The following ZHX1 variants were observed in gnomAD, a reference collection of about 807,000 sequenced individuals.
ZHX1 encodes the protein zinc fingers and homeoboxes 1.
A neutral mutation model predicts 61.8 loss-of-function variants in ZHX1; 20 were observed. The ratio of observed to expected loss-of-function variants is 0.32; its 90% CI spans 0.23 to 0.47. The LOEUF (loss-of-function observed/expected upper bound fraction) is 0.47. ZHX1 is among the 20% of genes least tolerant of loss of function. ZHX1 has a pLI of 1.00. For missense variants in ZHX1, 800 were observed against 1,034.8 expected (o/e 0.77, Z 3.11); for synonymous variants, 318 against 352.6 (o/e 0.90, Z 1.10).
rs567568377 is a variant in ZHX1 at position 123,254,041 on chromosome 8, T to A, written c.1906A>T (p.Asn636Tyr). 35 of 1,613,994 alleles carry A rather than the reference T, an allele frequency of 2.2e-5. 1 individual carries two copies. The East Asian group carries it at 6.7e-4, about 31-fold the overall frequency. Reference sequence around the variant, plus strand: ...GCTTCTTCTTTGGAACTACCTGCATTACTTTCATCTATTTCCATTTTCTCT... The same window carrying A: ...GCTTCTTCTTTGGAACTACCTGCATAACTTTCATCTATTTCCATTTTCTCT... ...KEEKMEIDES[N>Y]AGSSKEEAGE... The change falls in exon 3 of 4, where the codon AAT becomes TAT. Residue 636 changes from asparagine (N) to tyrosine (Y), a missense_variant. Transcript: ENST00000395571. This position sits in a 1 kb window ranked among gnomAD's most constrained non-coding sequence, Gnocchi z 4.1.
intron 1 of ZHX1, among the ~76,000 whole-genome samples, chr8:123,269,262 T>C (rs1003318559): frequency 6.6e-6 from 1 of 152,178 alleles, no homozygotes; most frequent in Non-Finnish European, 1.5e-5. Context: ...CACACAGTAA[T>C]TGCAAGATAT....
chr8:123,269,738 G>A lies in ZHX1; in HGVS notation c.-339-2352C>T, dbSNP rs1017548655. ...TAGGGTTGTTGTGAGGATTGGAATA[G>A]GTAACACGTGTAAAGTTTCTGGAAT... On this transcript the variant is annotated intron_variant, in intron 1 of 3. Coordinates refer to ENST00000395571, the MANE Select transcript of ZHX1 (RefSeq NM_007222.5). 2.6e-5 allele frequency among the ~76,000 whole-genome samples: 4 copies of A among 152,296 alleles called. No individual in the cohort carries two copies. In the South Asian group the frequency reaches 6.2e-4, roughly 24 times the overall value.
In ZHX1 at chr8:123,255,454, G is replaced by C. The variant is rs1231462752; in HGVS notation, c.493C>G (p.Gln165Glu). 1 of 1,613,284 alleles carries C rather than the reference G, an allele frequency of 6.2e-7. No homozygotes were observed. The highest frequency in any genetic ancestry group is 1.7e-5 in the Admixed American group (1 of 60,016). The change falls in exon 3 of 4, where the codon CAA becomes GAA. Residue 165 changes from glutamine to glutamate, a missense_variant. Coordinates refer to ENST00000395571, the MANE Select transcript of ZHX1 (RefSeq NM_007222.5). ...GSFVKEENAE[Q>E]AESTEVSSSG... ...GAAGAAACTTCTGTAGATTCTGCTTGCTCTGCATTCTCCTCTTTAACAAAA... is the reference window on the plus strand; with the variant it reads ...GAAGAAACTTCTGTAGATTCTGCTTCCTCTGCATTCTCCTCTTTAACAAAA...
chr8:123,257,085 A>G (rs926667297), intron 2 of ZHX1: 1 of 151,930 alleles, frequency 6.6e-6, no homozygotes, highest in Admixed American at 6.6e-5. Flanking sequence ...CGCCTGGCTA[A>G]TTTTTGTAGT....
At position 123,271,784 on chromosome 8, in the gene ZHX1, G is replaced by GA. The variant is rs1245860899; in HGVS notation, c.-340+2432dup. On this transcript the variant is annotated intron_variant, in intron 1 of 3. Coordinates refer to ENST00000395571, the MANE Select transcript of ZHX1 (RefSeq NM_007222.5). The stretch of plus-strand genomic sequence containing the variant: ...CTGTAAAACTTTGTCCCCAATTATT[G>GA]AAAAAAAAAGAACTTACAATTATCA... Among the ~76,000 whole-genome samples, 8 of 149,182 alleles carry GA rather than the reference G, an allele frequency of 5.4e-5. No homozygotes were observed. The South Asian group carries it at 6.3e-4, about 12-fold the overall frequency.
At chr8:123,264,385 C>G (rs980028125) in intron 2 of ZHX1, among the ~76,000 whole-genome samples, 2 of 151,982 alleles carry the variant, frequency 1.3e-5, no homozygotes, top group Non-Finnish European at 2.9e-5. Context: ...TTACCCACTA[C>G]TAAAAAAAAG....
intron 1 of ZHX1, among the ~76,000 whole-genome samples, chr8:123,270,089 A>G (rs1372215636): frequency 6.6e-6 from 1 of 152,200 alleles, no homozygotes; most frequent in African/African-American, 2.4e-5. Flanking sequence ...TATCATAGTA[A>G]CGAGGAGAAA....
At position 123,254,320 on chromosome 8, in the gene ZHX1, T is replaced by C. The variant is rs370469256; in HGVS notation, c.1627A>G (p.Ser543Gly). The C allele has an allele frequency of 3.1e-6, 5 of 1,614,068 alleles. No individual in the cohort carries two copies. Among genetic ancestry groups the C allele is most frequent in the Non-Finnish European group, 4.2e-6 (5 of 1,180,024 alleles). Reference sequence around the variant, plus strand: ...GTTGGGGATTCCGTGGTTTCATCACTGGAGTCTATAATAATGGTGGTAGAG... The same window carrying C: ...GTTGGGGATTCCGTGGTTTCATCACCGGAGTCTATAATAATGGTGGTAGAG... Reference protein sequence around the residue: ...DSSTTIIIDSSDETTESPTVG... With the variant: ...DSSTTIIIDSGDETTESPTVG... The change falls in exon 3 of 4, where the codon AGT becomes GGT. Residue 543 changes from serine to glycine, a missense_variant. By Grantham distance (56) the Ser-to-Gly change is moderately conservative. Coordinates refer to ENST00000395571, the MANE Select transcript of ZHX1 (RefSeq NM_007222.5). This position sits in a 1 kb window ranked among gnomAD's most constrained non-coding sequence, Gnocchi z 4.1.
intron 1 of ZHX1, among the ~76,000 whole-genome samples, chr8:123,268,223 G>T (rs890037426): frequency 3.3e-5 from 5 of 152,104 alleles, no homozygotes; most frequent in Non-Finnish European, 7.4e-5. Flanking sequence ...CAAACATGGG[G>T]TTATCTAACA....
intron 1 of ZHX1, among the ~76,000 whole-genome samples, chr8:123,271,656 T>C (rs1277807151): frequency 6.6e-6 from 1 of 152,094 alleles, no homozygotes; most frequent in Non-Finnish European, 1.5e-5. Flanking sequence ...ATATAATACA[T>C]CATAATATAA....
chr8:123,252,977 T>C (rs1825959071), intron 3 of ZHX1: 2 of 178,164 alleles, frequency 1.1e-5, no homozygotes, highest in South Asian at 3.8e-4. Context: ...GGCATTGCAA[T>C]AAAATACATT....
At chr8:123,272,217 T>C (rs1490925107) in intron 1 of ZHX1, among the ~76,000 whole-genome samples, 1 of 152,254 alleles carries the variant, frequency 6.6e-6, no homozygotes, top group Non-Finnish European at 1.5e-5. Flanking sequence ...ACCCAAGTAT[T>C]ACCCTTTCTC....
intron 3 of ZHX1, chr8:123,252,622 T>C (rs1825949869): frequency 6.6e-6 from 1 of 152,200 alleles, no homozygotes; most frequent in African/African-American, 2.4e-5. Context: ...ATCACAGTTT[T>C]CAAAGACAGA....
At chr8:123,274,716 C>A (rs561062502), upstream of ZHX1, among the ~76,000 whole-genome samples, 145 of 152,178 alleles carry the variant, frequency 9.5e-4, no homozygotes, top group African/African-American at 3.3e-3. Flanking sequence ...CCTTTGCCTG[C>A]GACCGCTCCG....
rs1256640042 is a variant in ZHX1 at position 123,249,843 on chromosome 8, T to TG, written c.*480_*481insC. 10 of 150,580 alleles carry TG rather than the reference T, an allele frequency of 6.6e-5. No individual in the cohort carries two copies. Among genetic ancestry groups the TG allele is most frequent in the Admixed American group, 2.0e-4 (3 of 15,148 alleles). The allele number at this position is 150,580 out of a possible 1,614,324, so 9.3% of individuals were successfully genotyped here. ...GACATAGTAATAAATCAGGGTTTTT[T>TG]TTTTTTTTTTTTTTTTACCCATTTC... On this transcript the variant is annotated 3_prime_UTR_variant, in exon 4 of 4. Coordinates refer to ENST00000395571, the MANE Select transcript of ZHX1 (RefSeq NM_007222.5).
chr8:123,261,067 T>C lies in ZHX1; in HGVS notation c.-225-4896A>G, dbSNP rs972355471. ...GCTATAATCCACTGTCAGGTCCCCA[T>C]GATTTTGCTAACAAAAGTAAGGTCA... On this transcript the variant is annotated intron_variant, in intron 2 of 3. Coordinates refer to ENST00000395571, the MANE Select transcript of ZHX1 (RefSeq NM_007222.5). Among the ~76,000 whole-genome samples the C allele has an allele frequency of 3.4e-4, 52 of 152,168 alleles. 1 individual carries two copies. Among genetic ancestry groups the C allele is most frequent in the Non-Finnish European group, 2.4e-4 (16 of 68,012 alleles).
In ZHX1 at chr8:123,253,362, C is replaced by G. The variant is rs144367640; in HGVS notation, c.2585G>C (p.Arg862Pro). ...TDDSDTWEPPRHVKRKLSKSD... is the reference protein window; with the variant it reads ...TDDSDTWEPPPHVKRKLSKSD... Reference sequence around the variant, plus strand: ...TTTAGACAGCTTCCGTTTCACATGTCGTGGAGGTTCCCAAGTGTCACTATC... The same window carrying G: ...TTTAGACAGCTTCCGTTTCACATGTGGTGGAGGTTCCCAAGTGTCACTATC... Residue 862 changes from arginine to proline, a missense_variant, in exon 3 of 4, where the codon CGA becomes CCA. Physicochemically the swap from Arg to Pro is moderately radical, Grantham distance 103 (BLOSUM62 -2). Transcript: ENST00000395571. The G allele has an allele frequency of 7.4e-4, 1,195 of 1,612,652 alleles. 1 individual carries two copies. The highest frequency in any genetic ancestry group is 1.6e-3 in the Admixed American group (96 of 59,962).
rs761584706 is a variant in ZHX1 at position 123,262,305 on chromosome 8, GTAAT to G, written c.-226+4964_-226+4967del. 2.0e-5 allele frequency among the ~76,000 whole-genome samples: 3 copies of G among 152,116 alleles called. No homozygotes were observed. The East Asian group carries it at 5.8e-4, about 29-fold the overall frequency. ...GCCATTAAAATTGATAATCTTAAGAGTAATTAAGGAATATGGAAAAACTACCCAT... is the reference window on the plus strand; with the variant it reads ...GCCATTAAAATTGATAATCTTAAGAGTAAGGAATATGGAAAAACTACCCAT... On this transcript the variant is annotated intron_variant, in intron 2 of 3. Coordinates refer to ENST00000395571, the MANE Select transcript of ZHX1 (RefSeq NM_007222.5).
intron 2 of ZHX1, among the ~76,000 whole-genome samples, chr8:123,264,929 A>C (rs1370183052): frequency 6.8e-6 from 1 of 146,686 alleles, no homozygotes; most frequent in African/African-American, 2.5e-5. Flanking sequence ...TGGCTCACGC[A>C]TGTAATCCCA....
Sources: gnomAD v4.1 joint callset for allele counts (sites outside exome capture counted in the v4.1 genomes callset) on GRCh38, gnomAD v4.1.1 for gene constraint, Gnocchi (gnomAD v3.1) non-coding constraint, MANE v1.5 for transcripts, NCBI Gene and HGNC (gene_info 2026-07-23, HGNC 2026-07-21) for gene names.